Variants in GRM8 observed in about 807,000 individuals in gnomAD.
The protein encoded by GRM8 is metabotropic glutamate receptor 8.
Under a neutral mutation model 87.2 loss-of-function variants are expected in GRM8, and 47 were observed. The observed-to-expected ratio is 0.54, with a 90% CI of 0.43 to 0.69. The LOEUF (loss-of-function observed/expected upper bound fraction) is 0.69. GRM8 is among the 30% of genes least tolerant of loss of function. GRM8 has a pLI of 0.00. For missense variants in GRM8, 1,019 were observed against 1,139.2 expected, an observed-to-expected ratio of 0.89 and a Z score of 1.52; for synonymous variants, 396 against 404.5, an observed-to-expected ratio of 0.98 and a Z score of 0.25.
rs17866784 is a variant in GRM8, at chr7:127,210,315, T to A, written c.510+32380A>T. ...CAGTAAACAGTGATACAGATTTGCA[T>A]AGTGTTTTTTTAAATTAACATTTAA... On this transcript the variant is annotated intron_variant, in intron 2 of 10. Transcript: ENST00000339582. Among the ~76,000 whole-genome samples, 976 of 152,334 alleles carry A rather than the reference T, an allele frequency of 6.4e-3. 14 individuals carry two copies. The highest frequency in any genetic ancestry group is 0.022 in the African/African-American group (931 of 41,570).
intron 9 of GRM8, among the ~76,000 whole-genome samples, chr7:126,522,237 T>C (rs967405249): frequency 2.0e-5 from 3 of 152,190 alleles, no homozygotes; most frequent in African/African-American, 7.2e-5. Context: ...AGTCCTCTCC[T>C]TTCCACTTCC....
chr7:126,576,188 T>C (rs1585100108), intron 8 of GRM8, among the ~76,000 whole-genome samples: 1 of 152,192 alleles, frequency 6.6e-6, no homozygotes, highest in East Asian at 1.9e-4. Context: ...AAATATTTCT[T>C]GATGTCACTC....
intron 3 of GRM8, chr7:127,058,293 G>C (rs1355366773): frequency 5.5e-6 from 2 of 362,202 alleles, no homozygotes; most frequent in African/African-American, 4.6e-5. Context: ...TGGTAGGCGA[G>C]AACAGCAACT....
intron 2 of GRM8, among the ~76,000 whole-genome samples, chr7:127,222,109 T>A (rs573655122): frequency 2.4e-4 from 36 of 152,314 alleles, no homozygotes; most frequent in African/African-American, 6.7e-4. Context: ...GGGTTTTCAT[T>A]ACAGCATTAA....
intron 7 of GRM8, among the ~76,000 whole-genome samples, chr7:126,653,158 C>T (rs1804110383): frequency 6.6e-6 from 1 of 151,900 alleles, no homozygotes; most frequent in South Asian, 2.1e-4. Flanking sequence ...TTTTAAATAG[C>T]AAGGTGTGTT....
chr7:127,213,535 C>T (rs1026464969), intron 2 of GRM8, among the ~76,000 whole-genome samples: 2 of 152,160 alleles, frequency 1.3e-5, no homozygotes, highest in Admixed American at 6.5e-5. Flanking sequence ...TAATTTTAGG[C>T]TCTCTTTCCC....
intron 8 of GRM8, among the ~76,000 whole-genome samples, chr7:126,555,296 A>C (rs145987808): frequency 6.6e-6 from 1 of 152,352 alleles, no homozygotes; most frequent in African/African-American, 2.4e-5. Flanking sequence ...AAACTACGTA[A>C]ATGATGAAAG....
At chr7:127,134,169 AT>A (rs1827837335) in intron 2 of GRM8, among the ~76,000 whole-genome samples, 2 of 152,206 alleles carry the variant, frequency 1.3e-5, no homozygotes, top group African/African-American at 4.8e-5. Flanking sequence ...TATGATTATA[AT>A]TTCATGTTAT....
chr7:126,439,843 T>C (rs2150438895), intron 10 of GRM8, among the ~76,000 whole-genome samples: 1 of 151,596 alleles, frequency 6.6e-6, no homozygotes, highest in East Asian at 2.0e-4. Context: ...TGTGTGTGTG[T>C]GTGTGTGTGT....
At chr7:127,025,194 T>C (rs1458281992) in intron 3 of GRM8, among the ~76,000 whole-genome samples, 1 of 152,064 alleles carries the variant, frequency 6.6e-6, no homozygotes. Flanking sequence ...TTTATTCAAA[T>C]CTAGGCTCTT....
At chr7:127,190,026 ATG>A (rs1794939167) in intron 2 of GRM8, among the ~76,000 whole-genome samples, 1 of 152,258 alleles carries the variant, frequency 6.6e-6, no homozygotes. Flanking sequence ...GGCTGGCTAG[ATG>A]GCTCTGCTAA....
intron 3 of GRM8, among the ~76,000 whole-genome samples, chr7:127,081,673 G>A (rs1822882093): frequency 6.6e-6 from 1 of 152,192 alleles, no homozygotes; most frequent in African/African-American, 2.4e-5. Context: ...ATGAATGAGA[G>A]AGTGTGAGTC....
chr7:126,447,678 C>T (rs1191523143), intron 9 of GRM8, among the ~76,000 whole-genome samples: 2 of 151,896 alleles, frequency 1.3e-5, no homozygotes, highest in East Asian at 1.9e-4. Flanking sequence ...ATTAGTGTTG[C>T]CTTTTCCTAG....
chr7:126,670,283 A>G (rs1298681336), intron 7 of GRM8, among the ~76,000 whole-genome samples: 1 of 152,162 alleles, frequency 6.6e-6, no homozygotes, highest in African/African-American at 2.4e-5. Context: ...TGTCTAGAAA[A>G]GAGAGGTAAA....
At chr7:126,793,923 G>A (rs796646028) in intron 6 of GRM8, among the ~76,000 whole-genome samples, 20 of 152,152 alleles carry the variant, frequency 1.3e-4, no homozygotes, top group African/African-American at 4.8e-4. Context: ...TGGGCTTTGT[G>A]GTTAATCAAT....
chr7:126,607,616 C>T (rs559414762), intron 8 of GRM8, among the ~76,000 whole-genome samples: 1 of 152,138 alleles, frequency 6.6e-6, no homozygotes, highest in Non-Finnish European at 1.5e-5. Flanking sequence ...ATTAAAACAA[C>T]AGAACAGAAG....
At chr7:126,898,685 G>A (rs1430961606) in intron 6 of GRM8, among the ~76,000 whole-genome samples, 2 of 152,192 alleles carry the variant, frequency 1.3e-5, no homozygotes, top group African/African-American at 4.8e-5. Flanking sequence ...CAGTATTTGT[G>A]CCTGAAATAA....
At chr7:126,841,323 T>C (rs1796251174) in intron 6 of GRM8, among the ~76,000 whole-genome samples, 1 of 152,124 alleles carries the variant, frequency 6.6e-6, no homozygotes, top group Non-Finnish European at 1.5e-5. Context: ...AAGTCAGCTT[T>C]ACCTACATTT....
Position 127,175,738 on chromosome 7 carries a change from C to A in GRM8, c.510+66957G>T, listed in dbSNP as rs547101301. Among the ~76,000 whole-genome samples the A allele has an allele frequency of 7.9e-5, 12 of 152,234 alleles. 1 individual carries two copies. Among genetic ancestry groups the A allele is most frequent in the African/African-American group, 2.6e-4 (11 of 41,556 alleles). On this transcript the variant is annotated intron_variant, in intron 2 of 10. Transcript: ENST00000339582. The stretch of plus-strand genomic sequence containing the variant: ...ACCAACCTGGAAATTCTATATCTAG[C>A]AAAATTGTTCTTCAAAAGTAAAAGA...
Sources: gnomAD v4.1 joint callset for allele counts (sites outside exome capture counted in the v4.1 genomes callset) on GRCh38, gnomAD v4.1.1 for gene constraint, MANE v1.5 for transcripts, NCBI Gene and HGNC (gene_info 2026-07-23, HGNC 2026-07-21) for gene names.